Variants in CCDC178 observed in about 807,000 individuals in gnomAD.
The protein encoded by CCDC178 is coiled-coil domain containing 178, also known as coiled-coil domain-containing protein 178.
Under a neutral mutation model 117.4 loss-of-function variants are expected in CCDC178, and 126 were observed. The observed-to-expected ratio is 1.07, with a 90% CI of 0.93 to 1.24. The LOEUF is 1.24. CCDC178 is among the 50% of genes most tolerant of loss of function. The probability of loss-of-function intolerance (pLI) is 0.00; values close to 1 mark genes in which losing one functional copy is unlikely to be tolerated. For synonymous variants in CCDC178, 283 were observed against 313.4 expected (o/e 0.90, Z 1.02); for missense variants, 1,030 against 986.9 (o/e 1.04, Z -0.59).
intron 20 of CCDC178, among the ~76,000 whole-genome samples, chr18:33,096,197 AT>A (rs2057540026): frequency 6.9e-6 from 1 of 144,174 alleles, no homozygotes; most frequent in Admixed American, 7.2e-5. Flanking sequence ...CTTTCAGTTT[AT>A]TTTTCCTTCT....
chr18:33,203,857 C>T (rs2059018999), intron 20 of CCDC178, among the ~76,000 whole-genome samples: 1 of 152,218 alleles, frequency 6.6e-6, no homozygotes. Flanking sequence ...AATAGTTTGT[C>T]TCTGGAATGT....
At chr18:33,257,352 G>C (rs1483113106) in intron 14 of CCDC178, among the ~76,000 whole-genome samples, 1 of 152,088 alleles carries the variant, frequency 6.6e-6, no homozygotes, top group Non-Finnish European at 1.5e-5. Context: ...CTCATGGGTA[G>C]ATTATTTTCT....
At chr18:33,178,181 G>A (rs1207990283) in intron 20 of CCDC178, among the ~76,000 whole-genome samples, 2 of 151,910 alleles carry the variant, frequency 1.3e-5, no homozygotes, top group Non-Finnish European at 2.9e-5. Context: ...TCCCCTCTCC[G>A]TCACAGGTGC....
chr18:33,101,676 T>C (rs1374901067), intron 20 of CCDC178, among the ~76,000 whole-genome samples: 1 of 151,930 alleles, frequency 6.6e-6, no homozygotes, highest in Non-Finnish European at 1.5e-5. Flanking sequence ...TAAGGAATTA[T>C]GAACTAACTT....
intron 4 of CCDC178, among the ~76,000 whole-genome samples, chr18:33,396,410 G>A (rs1053511729): frequency 5.3e-5 from 8 of 151,994 alleles, no homozygotes; most frequent in African/African-American, 1.9e-4. Flanking sequence ...TAATGTCAAC[G>A]ATAGATATAC....
intron 21 of CCDC178, among the ~76,000 whole-genome samples, chr18:33,010,949 A>G (rs1237941177): frequency 6.6e-6 from 1 of 152,200 alleles, no homozygotes; most frequent in Non-Finnish European, 1.5e-5. Context: ...CTTTCACGCC[A>G]GGCAGCATAT....
At chr18:33,429,024 A>T (rs2064167473) in intron 2 of CCDC178, among the ~76,000 whole-genome samples, 1 of 56,388 alleles carries the variant, frequency 1.8e-5, no homozygotes, top group African/African-American at 4.9e-5. Context: ...AAAGTTTAAA[A>T]GGAAAAAAAA....
intron 14 of CCDC178, among the ~76,000 whole-genome samples, chr18:33,254,873 ATAGT>A (rs1337527362): frequency 1.3e-5 from 2 of 152,012 alleles, no homozygotes; most frequent in African/African-American, 2.4e-5. Context: ...GGGTTTGGAG[ATAGT>A]TTGTTTGTCA....
intron 20 of CCDC178, among the ~76,000 whole-genome samples, chr18:33,161,767 C>T (rs958323676): frequency 7.2e-4 from 110 of 152,186 alleles, no homozygotes; most frequent in African/African-American, 2.3e-3. Context: ...TTTATGGCTG[C>T]GTAGTATTCC....
chr18:33,036,137 C>A, intron 21 of CCDC178, among the ~76,000 whole-genome samples: 1 of 151,802 alleles, frequency 6.6e-6, no homozygotes, highest in East Asian at 1.9e-4. Context: ...ACTCTTTAAG[C>A]TACTTAAAAG....
At chr18:33,181,816 T>A (rs1328787457) in intron 20 of CCDC178, among the ~76,000 whole-genome samples, 2 of 151,820 alleles carry the variant, frequency 1.3e-5, no homozygotes, top group Non-Finnish European at 2.9e-5. Context: ...ATTAATTTCT[T>A]TCAAAGGCTA....
chr18:32,972,655 A>G (rs2054952842), intron 22 of CCDC178, among the ~76,000 whole-genome samples: 1 of 152,064 alleles, frequency 6.6e-6, no homozygotes, highest in Non-Finnish European at 1.5e-5. Context: ...AAGAAGAATG[A>G]GTTTCACAGC....
At chr18:33,055,636 A>T (rs1219584669) in intron 21 of CCDC178, among the ~76,000 whole-genome samples, 1 of 152,058 alleles carries the variant, frequency 6.6e-6, no homozygotes, top group East Asian at 1.9e-4. Flanking sequence ...GCCACTTCTT[A>T]TTCTTTATGA....
intron 20 of CCDC178, among the ~76,000 whole-genome samples, chr18:33,114,831 G>A (rs2057831747): frequency 6.6e-6 from 1 of 152,092 alleles, no homozygotes; most frequent in Admixed American, 6.6e-5. Flanking sequence ...AGGGATGAGA[G>A]AAAATTAATC....
At chr18:33,296,881 G>A (rs1426644127) in intron 11 of CCDC178, among the ~76,000 whole-genome samples, 6 of 151,992 alleles carry the variant, frequency 3.9e-5, no homozygotes, top group African/African-American at 1.4e-4. Flanking sequence ...AAAATTAGCC[G>A]AGAGTGGTGT....
At chr18:33,208,490 G>T (rs2144579734) in intron 20 of CCDC178, among the ~76,000 whole-genome samples, 1 of 152,112 alleles carries the variant, frequency 6.6e-6, no homozygotes, top group South Asian at 2.1e-4. Context: ...ATTCAAGTCT[G>T]TTTTTCAAAT....
intron 2 of CCDC178, among the ~76,000 whole-genome samples, chr18:33,425,237 T>A (rs2064104702): frequency 6.6e-6 from 1 of 152,066 alleles, no homozygotes. Context: ...AGAGACAGGA[T>A]CTCAACCAAG....
At chr18:33,065,149 C>T (rs1186504626) in intron 21 of CCDC178, among the ~76,000 whole-genome samples, 3 of 151,772 alleles carry the variant, frequency 2.0e-5, no homozygotes, top group African/African-American at 7.3e-5. Flanking sequence ...TAGAAAGTAG[C>T]AATTAGATAG....
chr18:33,156,322 T>C (rs191449922), intron 20 of CCDC178, among the ~76,000 whole-genome samples: 1 of 151,564 alleles, frequency 6.6e-6, no homozygotes, highest in Non-Finnish European at 1.5e-5. Context: ...ACTCCTGACC[T>C]TGTGATCCGC....
Sources: allele counts gnomAD v4.1 joint callset (sites outside exome capture counted in the v4.1 genomes callset), GRCh38; gene constraint gnomAD v4.1.1; transcripts MANE v1.5; gene names NCBI Gene and HGNC (gene_info 2026-07-23, HGNC 2026-07-21).